Variants in KIF3B observed in about 807,000 individuals in gnomAD.
KIF3B encodes the protein kinesin family member 3B.
In KIF3B, 38 loss-of-function variants were observed where a neutral mutation model predicts 74.3. That is an observed-to-expected ratio of 0.51 (90% CI 0.39 to 0.67). The LOEUF is 0.67. Ranked by LOEUF, KIF3B falls within the 30% of genes least tolerant of loss-of-function variation. The pLI is 0.00. For synonymous variants in KIF3B, 326 were observed against 342.5 expected (o/e 0.95, Z 0.53); for missense variants, 649 against 932.0 (o/e 0.70, Z 3.95).
chr20:32,281,722 G>T (rs1312370679), intron 1 of KIF3B, among the ~76,000 whole-genome samples: 1 of 151,448 alleles, frequency 6.6e-6, no homozygotes, highest in Non-Finnish European at 1.5e-5. Context: ...ATCTCAAAAA[G>T]AAAAAAAACC....
At chr20:32,303,857 C>CAAAA (rs33920293) in intron 1 of KIF3B, among the ~76,000 whole-genome samples, 1 of 120,348 alleles carries the variant, frequency 8.3e-6, no homozygotes. Flanking sequence ...CTCAGTCTCA[C>CAAAA]AAAAAAAAAA....
chr20:32,301,090 T>TC (rs1274590069), intron 1 of KIF3B, among the ~76,000 whole-genome samples: 1 of 143,090 alleles, frequency 7.0e-6, no homozygotes, highest in African/African-American at 2.6e-5. Context: ...ATGGTCTTTT[T>TC]TTTTTTTTTT....
intron 1 of KIF3B, among the ~76,000 whole-genome samples, chr20:32,282,238 G>A (rs1262777171): frequency 8.5e-5 from 13 of 152,214 alleles, no homozygotes. Context: ...GACGGATTGG[G>A]GATGTGTTTC....
At chr20:32,322,690 T>TTATTTA (rs2047869175) in intron 5 of KIF3B, among the ~76,000 whole-genome samples, 1 of 53,718 alleles carries the variant, frequency 1.9e-5, no homozygotes, top group African/African-American at 1.3e-4. Context: ...TTATATATAT[T>TTATTTA]TATATATATT....
At chr20:32,315,073 G>A (rs1256298973) in intron 2 of KIF3B, among the ~76,000 whole-genome samples, 1 of 152,172 alleles carries the variant, frequency 6.6e-6, no homozygotes, top group African/African-American at 2.4e-5. Flanking sequence ...CAACTAGGGA[G>A]GAGGCCTAGC....
chr20:32,313,483 G>T (rs940998576), intron 2 of KIF3B, among the ~76,000 whole-genome samples: 1 of 152,080 alleles, frequency 6.6e-6, no homozygotes, highest in African/African-American at 2.4e-5. Context: ...CTTCATAGTA[G>T]CCCTTTCACA....
At position 32,334,866 on chromosome 20, in the gene KIF3B, A is replaced by G. The variant is rs2047947910; in HGVS notation, c.*3547A>G. On this transcript the variant is annotated 3_prime_UTR_variant, in exon 9 of 9. Coordinates refer to ENST00000375712, the MANE Select transcript of KIF3B (RefSeq NM_004798.4). ...CTTGACCTTCTCTTTGGCTACCTTT[A>G]GACAAAGAATACGCCAATCAATACT... The G allele has an allele frequency of 6.6e-6, 1 of 152,534 alleles. No individual in the cohort carries two copies. Among genetic ancestry groups the G allele is most frequent in the African/African-American group, 2.4e-5 (1 of 41,416 alleles). 9.4% of individuals were successfully genotyped at this position (152,534 alleles called of 1,614,324 possible). A position where few individuals can be genotyped will look rare whatever the true frequency, so the allele number is the denominator to read the frequency against.
intron 5 of KIF3B, among the ~76,000 whole-genome samples, chr20:32,321,864 A>G (rs1256907220): frequency 6.6e-6 from 1 of 152,190 alleles, no homozygotes; most frequent in Admixed American, 6.5e-5. Flanking sequence ...AAATGGTATT[A>G]TACATTTAAT....
intron 5 of KIF3B, among the ~76,000 whole-genome samples, chr20:32,320,920 A>G (rs959373046): frequency 7.2e-5 from 11 of 151,984 alleles, no homozygotes; most frequent in Non-Finnish European, 1.2e-4. Flanking sequence ...TTCATATTCA[A>G]GTTTCTTTTG....
rs566545887 is a variant in KIF3B, at chr20:32,320,175, G to A, written c.1748+3301G>A. 5.3e-5 allele frequency among the ~76,000 whole-genome samples: 8 copies of A among 152,170 alleles called. No homozygotes were observed. The South Asian group carries it at 1.5e-3, about 28-fold the overall frequency. ...CTCCCAAAATGCTAGGATTACAGGC[G>A]TGAGCCACTGTGCCCGGCTGAGTTT... On this transcript the variant is annotated intron_variant, in intron 5 of 8. Transcript: ENST00000375712.
chr20:32,309,238 G>A (rs948620065), intron 1 of KIF3B, among the ~76,000 whole-genome samples: 1 of 133,230 alleles, frequency 7.5e-6, no homozygotes, highest in African/African-American at 2.9e-5. Flanking sequence ...TCCCTATGTT[G>A]CCCAGGCTGA....
At chr20:32,309,401 A>G (rs2047788535) in intron 1 of KIF3B, among the ~76,000 whole-genome samples, 1 of 151,674 alleles carries the variant, frequency 6.6e-6, no homozygotes, top group Non-Finnish European at 1.5e-5. Context: ...TCCTGGTCTC[A>G]AGGAATTTCC....
At chr20:32,293,650 G>A (rs754977264) in intron 1 of KIF3B, among the ~76,000 whole-genome samples, 1 of 151,972 alleles carries the variant, frequency 6.6e-6, no homozygotes, top group Non-Finnish European at 1.5e-5. Context: ...TGAGTTGGGG[G>A]GCGGGGAGAA....
chr20:32,321,589 G>C (rs1212556570), intron 5 of KIF3B, among the ~76,000 whole-genome samples: 1 of 152,072 alleles, frequency 6.6e-6, no homozygotes, highest in East Asian at 1.9e-4. Flanking sequence ...GGAAGTGTGA[G>C]TCCTCCAGCC....
chr20:32,287,914 A>C (rs1600416724), intron 1 of KIF3B, among the ~76,000 whole-genome samples: 2 of 112,148 alleles, frequency 1.8e-5, no homozygotes, highest in Non-Finnish European at 3.3e-5. Flanking sequence ...ATGGAGTCTC[A>C]CTCTGTCGCC....
At chr20:32,306,405 A>T (rs915047835) in intron 1 of KIF3B, among the ~76,000 whole-genome samples, 1 of 152,066 alleles carries the variant, frequency 6.6e-6, no homozygotes, top group Non-Finnish European at 1.5e-5. Context: ...AAAGAAAAAA[A>T]AAATTATTGA....
chr20:32,287,698 T>C (rs1024427345), intron 1 of KIF3B, among the ~76,000 whole-genome samples: 1 of 152,152 alleles, frequency 6.6e-6, no homozygotes, highest in African/African-American at 2.4e-5. Flanking sequence ...GCATTGAGCA[T>C]TGAAGTTGTT....
At chr20:32,292,602 A>G (rs796570328) in intron 1 of KIF3B, among the ~76,000 whole-genome samples, 1,807 of 150,450 alleles carry the variant, frequency 0.012, 39 homozygotes, top group African/African-American at 0.041. Flanking sequence ...AAAAAAAAAA[A>G]AAAAGAAAAG....
At chr20:32,311,268 G>A (rs2047799378) in intron 2 of KIF3B, 87 bp downstream of exon 2, 3 of 1,382,934 alleles carry the variant, frequency 2.2e-6, no homozygotes, top group Admixed American at 5.6e-5. Flanking sequence ...AACCATATGA[G>A]GGATGATGTC....
Sources: allele counts gnomAD v4.1 joint callset (sites outside exome capture counted in the v4.1 genomes callset), GRCh38; gene constraint gnomAD v4.1.1; transcripts MANE v1.5; gene names NCBI Gene and HGNC (gene_info 2026-07-23, HGNC 2026-07-21).